The following NEBL variants were observed in gnomAD, a reference collection of about 807,000 sequenced individuals.
The protein encoded by NEBL is LIM and SH3 protein 2.
NEBL carries 122 observed loss-of-function variants against 140.2 expected under a neutral mutation model. That is an observed-to-expected ratio of 0.87 (90% CI 0.75 to 1.01). NEBL has a LOEUF of 1.01. Among genes scored for constraint, NEBL ranks in the 50% least tolerant of loss-of-function variants. NEBL has a pLI of 0.00. For synonymous variants in NEBL, 436 were observed against 398.9 expected (o/e 1.09, Z -1.11); for missense variants, 1,365 against 1,231.3 (o/e 1.11, Z -1.62).
intron 3 of NEBL, among the ~76,000 whole-genome samples, chr10:21,188,262 A>G (rs896160148): frequency 5.3e-5 from 8 of 152,142 alleles, no homozygotes; most frequent in Non-Finnish European, 1.0e-4. Flanking sequence ...CAAGCTCCCT[A>G]CATGCCCAAT....
intron 1 of NEBL, among the ~76,000 whole-genome samples, chr10:21,268,022 G>A (rs1168809567): frequency 6.6e-6 from 1 of 152,142 alleles, no homozygotes; most frequent in Non-Finnish European, 1.5e-5. Flanking sequence ...CATGAACACC[G>A]ATGTGTGGCG....
At chr10:21,198,113 A>G (rs1399247720) in intron 3 of NEBL, among the ~76,000 whole-genome samples, 3 of 152,042 alleles carry the variant, frequency 2.0e-5, no homozygotes. Flanking sequence ...CTGTAGCATC[A>G]TACCTTACAG....
chr10:20,875,237 A>T (rs1845377184), intron 5 of NEBL, among the ~76,000 whole-genome samples: 1 of 152,072 alleles, frequency 6.6e-6, no homozygotes, highest in South Asian at 2.1e-4. Flanking sequence ...CATAAGAGCC[A>T]TGTCTTTTGC....
At chr10:20,916,333 A>G (rs552461762) in intron 4 of NEBL, among the ~76,000 whole-genome samples, 53 of 152,332 alleles carry the variant, frequency 3.5e-4, no homozygotes, top group African/African-American at 1.3e-3. Flanking sequence ...AAATATAAAA[A>G]CAGCTAGAGT....
intron 3 of NEBL, among the ~76,000 whole-genome samples, chr10:20,986,391 A>G (rs556621896): frequency 6.6e-6 from 1 of 152,192 alleles, no homozygotes; most frequent in South Asian, 2.1e-4. Flanking sequence ...TAATTCAGCA[A>G]CTCTTCGCTT....
At chr10:21,065,678 A>G (rs534352151) in intron 2 of NEBL, among the ~76,000 whole-genome samples, 3 of 152,286 alleles carry the variant, frequency 2.0e-5, no homozygotes, top group African/African-American at 4.8e-5. Context: ...AGCACCTGCT[A>G]TGTATGAGGA....
intron 12 of NEBL, among the ~76,000 whole-genome samples, chr10:20,842,800 A>C (rs1841519235): frequency 6.6e-6 from 1 of 152,030 alleles, no homozygotes; most frequent in Admixed American, 6.6e-5. Context: ...CACACTGTGC[A>C]CTAGATCTCA....
chr10:21,168,941 C>T (rs1252953588), intron 2 of NEBL, among the ~76,000 whole-genome samples: 2 of 148,044 alleles, frequency 1.4e-5, no homozygotes, highest in African/African-American at 5.0e-5. Context: ...CCCAGCTACT[C>T]GGGAGGCTGA....
chr10:20,874,848 T>C (rs978108610), intron 5 of NEBL, among the ~76,000 whole-genome samples: 10 of 152,144 alleles, frequency 6.6e-5, no homozygotes. Flanking sequence ...CAAGTAATAC[T>C]CCTGTCTTAG....
intron 2 of NEBL, among the ~76,000 whole-genome samples, chr10:21,134,446 A>G (rs1445397542): frequency 6.6e-6 from 1 of 152,182 alleles, no homozygotes; most frequent in South Asian, 2.1e-4. Context: ...TAATTCTCTT[A>G]GTCTCATTTG....
intron 2 of NEBL, chr10:21,070,089 T>C (rs76168538): frequency 0.01 from 4,418 of 427,934 alleles, 142 homozygotes; most frequent in African/African-American, 0.079. Flanking sequence ...AATAATACTG[T>C]ATCCACTAGT....
intron 2 of NEBL, among the ~76,000 whole-genome samples, chr10:21,160,182 G>A (rs1408994082): frequency 6.6e-6 from 1 of 151,008 alleles, no homozygotes; most frequent in Non-Finnish European, 1.5e-5. Context: ...ACTCATCACT[G>A]TATAAAGAAA....
chr10:20,924,509 G>C (rs947607172), intron 4 of NEBL, among the ~76,000 whole-genome samples: 2 of 123,346 alleles, frequency 1.6e-5, no homozygotes, highest in Admixed American at 1.8e-4. Flanking sequence ...GTGCAATACA[G>C]AGAGTATCTT....
At chr10:21,158,187 A>G (rs1308370706) in intron 2 of NEBL, among the ~76,000 whole-genome samples, 2 of 152,184 alleles carry the variant, frequency 1.3e-5, no homozygotes, top group East Asian at 3.8e-4. Context: ...GCACTCATCC[A>G]TGTGAGGATT....
intron 4 of NEBL, among the ~76,000 whole-genome samples, chr10:20,938,913 A>T (rs1215140879): frequency 6.6e-6 from 1 of 152,196 alleles, no homozygotes; most frequent in African/African-American, 2.4e-5. Flanking sequence ...AAATGAACAA[A>T]ACCTCCAAGA....
chr10:21,043,293 T>G (rs1299973883), intron 2 of NEBL, among the ~76,000 whole-genome samples: 2 of 152,160 alleles, frequency 1.3e-5, no homozygotes, highest in Non-Finnish European at 2.9e-5. Flanking sequence ...CAACCAGTTG[T>G]CATCCTACAA....
At chr10:21,083,643 G>C (rs1836488431) in intron 2 of NEBL, among the ~76,000 whole-genome samples, 2 of 152,078 alleles carry the variant, frequency 1.3e-5, no homozygotes, top group Admixed American at 6.5e-5. Context: ...TCAGGAGTTC[G>C]AGAACAGCCT....
intron 2 of NEBL, among the ~76,000 whole-genome samples, chr10:21,105,990 G>T (rs554147564): frequency 1.1e-3 from 162 of 152,094 alleles, no homozygotes; most frequent in Non-Finnish European, 1.9e-3. Flanking sequence ...GTCTTCTTCT[G>T]AGAGGTGTCT....
intron 3 of NEBL, among the ~76,000 whole-genome samples, chr10:21,182,204 G>T (rs1306272279): frequency 1.3e-5 from 2 of 151,548 alleles, no homozygotes; most frequent in East Asian, 1.9e-4. Context: ...GGGCACGGTG[G>T]CTCACACCTG....
Sources: allele counts gnomAD v4.1 joint callset (sites outside exome capture counted in the v4.1 genomes callset), GRCh38; gene constraint gnomAD v4.1.1; transcripts MANE v1.5; gene names NCBI Gene and HGNC (gene_info 2026-07-23, HGNC 2026-07-21).